Variants in CTNNA2 observed in about 807,000 individuals in gnomAD.
The protein encoded by CTNNA2 is catenin alpha 2, also known as catenin alpha-2.
Under a neutral mutation model 101.0 loss-of-function variants are expected in CTNNA2, and 42 were observed. The ratio of observed to expected loss-of-function variants is 0.42; its 90% CI spans 0.32 to 0.54. The LOEUF (loss-of-function observed/expected upper bound fraction) is 0.54. Among genes scored for constraint, CTNNA2 ranks in the 20% least tolerant of loss-of-function variants. CTNNA2 has a pLI of 0.14. For synonymous variants in CTNNA2, 450 were observed against 456.4 expected (o/e 0.99, Z 0.18); for missense variants, 871 against 1,223.1 (o/e 0.71, Z 4.29).
At chr2:79,718,946 G>A (rs1686294991) in intron 2 of CTNNA2, among the ~76,000 whole-genome samples, 1 of 151,872 alleles carries the variant, frequency 6.6e-6, no homozygotes, top group Admixed American at 6.6e-5. Context: ...TCTGATACAG[G>A]GGGTACATGT....
chr2:80,325,799 TA>T (rs970960816), intron 7 of CTNNA2, among the ~76,000 whole-genome samples: 2 of 152,162 alleles, frequency 1.3e-5, no homozygotes, highest in African/African-American at 4.8e-5. Context: ...ATTTGAGAGC[TA>T]AAAAGGACCT....
At chr2:79,879,468 AT>A (rs1683263113) in intron 6 of CTNNA2, among the ~76,000 whole-genome samples, 1 of 151,950 alleles carries the variant, frequency 6.6e-6, no homozygotes, top group African/African-American at 2.4e-5. Flanking sequence ...ATGTTTTTCC[AT>A]TTTTTTGTGT....
At chr2:79,707,839 C>A (rs1215230707) in intron 2 of CTNNA2, among the ~76,000 whole-genome samples, 1 of 152,134 alleles carries the variant, frequency 6.6e-6, no homozygotes, top group Non-Finnish European at 1.5e-5. Context: ...GACTTTCCAG[C>A]TTGAGTGGGC....
intron 2 of CTNNA2, among the ~76,000 whole-genome samples, chr2:79,668,766 A>G (rs1182332612): frequency 6.6e-6 from 1 of 152,230 alleles, no homozygotes; most frequent in Non-Finnish European, 1.5e-5. Flanking sequence ...TGCAGCCACA[A>G]TCTGTAAATT....
At chr2:80,640,330 A>G (rs1673330651) in intron 18 of CTNNA2, among the ~76,000 whole-genome samples, 1 of 152,204 alleles carries the variant, frequency 6.6e-6, no homozygotes, top group Non-Finnish European at 1.5e-5. Context: ...AAGGTGCCTG[A>G]GTGATTAATA....
At chr2:80,148,627 C>T (rs1433542997) in intron 7 of CTNNA2, among the ~76,000 whole-genome samples, 3 of 152,228 alleles carry the variant, frequency 2.0e-5, no homozygotes, top group African/African-American at 7.2e-5. Context: ...TCTGGACGAG[C>T]ATAGTTTTCC....
chr2:80,162,343 A>G lies in CTNNA2; in HGVS notation c.1057-230868A>G, dbSNP rs946266108. 110 of 1,096,598 alleles carry G rather than the reference A, an allele frequency of 1.0e-4. No homozygotes were observed. The African/African-American group carries it at 1.7e-3, about 17-fold the overall frequency. The allele number at this position is 1,096,598 out of a possible 1,614,324, so 67.9% of individuals were successfully genotyped here. ...AAAAAAATGTATAAAGAAATGTGAC[A>G]ACTTGTAAAGCTGCTCTGTACAGTT... is the stretch of plus-strand genomic sequence containing the variant. On this transcript the variant is annotated intron_variant, in intron 7 of 18. Coordinates refer to ENST00000402739, the MANE Select transcript of CTNNA2 (RefSeq NM_001282597.3).
intron 7 of CTNNA2, among the ~76,000 whole-genome samples, chr2:80,309,046 G>A (rs1463524858): frequency 2.0e-5 from 3 of 151,796 alleles, no homozygotes; most frequent in East Asian, 1.9e-4. Flanking sequence ...CCGAGATCAC[G>A]CCACTGCATT....
At chr2:79,819,403 T>G (rs1677833868) in intron 3 of CTNNA2, among the ~76,000 whole-genome samples, 3 of 152,202 alleles carry the variant, frequency 2.0e-5, no homozygotes, top group Non-Finnish European at 2.9e-5. Flanking sequence ...TCTTCTACTC[T>G]TTGATACAAT....
chr2:79,753,323 A>G (rs1011675867), intron 3 of CTNNA2, among the ~76,000 whole-genome samples: 1 of 152,176 alleles, frequency 6.6e-6, no homozygotes, highest in Non-Finnish European at 1.5e-5. Flanking sequence ...AATCTTATTC[A>G]ATTTGAAATA....
At chr2:79,740,556 T>C (rs1671220839) in intron 2 of CTNNA2, among the ~76,000 whole-genome samples, 1 of 152,168 alleles carries the variant, frequency 6.6e-6, no homozygotes, top group East Asian at 1.9e-4. Flanking sequence ...TAGGATAAAA[T>C]AGTTGGTTAA....
intron 7 of CTNNA2, among the ~76,000 whole-genome samples, chr2:80,316,222 A>G (rs1167278965): frequency 1.3e-5 from 2 of 152,130 alleles, no homozygotes; most frequent in Non-Finnish European, 2.9e-5. Context: ...TAACATTTTT[A>G]TGCTCAATTG....
chr2:80,251,648 C>G (rs904225874), intron 7 of CTNNA2, among the ~76,000 whole-genome samples: 2 of 152,186 alleles, frequency 1.3e-5, no homozygotes, highest in East Asian at 3.8e-4. Context: ...CCATTTGGCT[C>G]TGGCTCTCTT....
At chr2:80,165,743 G>A (rs1038807726) in intron 7 of CTNNA2, among the ~76,000 whole-genome samples, 3 of 152,190 alleles carry the variant, frequency 2.0e-5, no homozygotes, top group Non-Finnish European at 4.4e-5. Flanking sequence ...CAACAGAGTA[G>A]GATGATGGTA....
At chr2:79,483,784 G>A (rs1193927406) in intron 4 of CTNNA2, among the ~76,000 whole-genome samples, 2 of 152,100 alleles carry the variant, frequency 1.3e-5, no homozygotes, top group Non-Finnish European at 2.9e-5. Context: ...GTATACGTAT[G>A]CCACATTTTC....
chr2:79,588,315 C>T (rs975573629), intron 1 of CTNNA2, among the ~76,000 whole-genome samples: 3 of 152,154 alleles, frequency 2.0e-5, no homozygotes, highest in Non-Finnish European at 4.4e-5. Context: ...TTCACTTGGA[C>T]GGAGCTTCAG....
At chr2:80,506,245 C>T (rs1394213711) in intron 9 of CTNNA2, among the ~76,000 whole-genome samples, 1 of 152,104 alleles carries the variant, frequency 6.6e-6, no homozygotes, top group Admixed American at 6.6e-5. Flanking sequence ...GTCGAGGAGG[C>T]TTCCTGGAGG....
intron 7 of CTNNA2, among the ~76,000 whole-genome samples, chr2:80,294,299 C>G (rs1675532474): frequency 6.6e-6 from 1 of 152,146 alleles, no homozygotes; most frequent in Admixed American, 6.5e-5. Flanking sequence ...CTAAACAGCG[C>G]TTTGTAAACT....
rs13416023 is a variant in CTNNA2 at position 79,249,487 on chromosome 2, G to C, written c.-406+51411G>C. 4.7e-3 allele frequency among the ~76,000 whole-genome samples: 712 copies of C among 152,240 alleles called. 13 individuals are homozygous for C. Among genetic ancestry groups the C allele is most frequent in the African/African-American group, 0.016 (645 of 41,544 alleles). On this transcript the variant is annotated intron_variant, in intron 2 of 21. Transcript: ENST00000466387. ...GTCTTATAACTCAAATCTTCAGAAAGATTACCAACTTTCCCTGGGCTTTTC... is the reference window on the plus strand; with the variant it reads ...GTCTTATAACTCAAATCTTCAGAAACATTACCAACTTTCCCTGGGCTTTTC...
Sources: gnomAD v4.1 joint callset for allele counts (sites outside exome capture counted in the v4.1 genomes callset) on GRCh38, gnomAD v4.1.1 for gene constraint, MANE v1.5 for transcripts, NCBI Gene and HGNC (gene_info 2026-07-23, HGNC 2026-07-21) for gene names.